Variants in SLC25A12 observed in about 807,000 individuals in gnomAD.
SLC25A12 encodes the protein electrogenic aspartate/glutamate antiporter SLC25A12, mitochondrial.
Under a neutral mutation model 83.3 loss-of-function variants are expected in SLC25A12, and 32 were observed. The observed-to-expected ratio is 0.38, with a 90% CI of 0.29 to 0.52. SLC25A12 has a LOEUF of 0.52. SLC25A12 is among the 20% of genes least tolerant of loss of function. SLC25A12 has a pLI of 0.84. For synonymous variants in SLC25A12, 267 were observed against 291.1 expected (o/e 0.92, Z 0.84); for missense variants, 611 against 835.6 (o/e 0.73, Z 3.31).
At chr2:171,832,124 C>G (rs981972491) in intron 8 of SLC25A12, among the ~76,000 whole-genome samples, 1 of 152,136 alleles carries the variant, frequency 6.6e-6, no homozygotes, top group Non-Finnish European at 1.5e-5. Flanking sequence ...TAGTTCAAGG[C>G]ACTTTAAAGG....
intron 3 of SLC25A12, among the ~76,000 whole-genome samples, chr2:171,866,012 T>C (rs1685286419): frequency 7.1e-6 from 1 of 140,286 alleles, no homozygotes; most frequent in Non-Finnish European, 1.5e-5. Flanking sequence ...TTTGTGTCCC[T>C]GGGTACTTGA....
intron 13 of SLC25A12, among the ~76,000 whole-genome samples, chr2:171,801,907 C>CTGTGTGTGTGTGTG (rs3058854): frequency 6.9e-6 from 1 of 145,400 alleles, no homozygotes; most frequent in African/African-American, 2.6e-5. Context: ...ATATCTGGAT[C>CTGTGTGTGTGTGTG]TGTGTGTGTG....
At position 171,815,143 on chromosome 2, in the gene SLC25A12, G is replaced by T; in HGVS notation, c.990C>A (p.Phe330Leu). 1.2e-6 allele frequency: 2 copies of T among 1,613,776 alleles called. No homozygotes were observed. The highest frequency in any genetic ancestry group is 1.7e-6 in the Non-Finnish European group (2 of 1,179,754). Residue 330 changes from phenylalanine (F) to leucine (L), a missense_variant, in exon 10 of 18, where the codon TTC (phenylalanine) becomes TTA (leucine). Around this residue, in one of 3 missense-constraint regions of SLC25A12, gnomAD observed 540 missense variants for 777.5 expected, o/e 0.69. Transcript: ENST00000422440. ...CACCTCCAGCAACTGAGCCCAGAGT[G>T]AATCTGTAAGCAGACTCGGCAATCT... ...WLQIAESAYR[F>L]TLGSVAGAVG...
intron 2 of SLC25A12, among the ~76,000 whole-genome samples, chr2:171,887,441 C>T (rs1225402674): frequency 1.3e-5 from 2 of 152,206 alleles, no homozygotes; most frequent in African/African-American, 4.8e-5. Flanking sequence ...CTATACAACA[C>T]ACCAGCAAAC....
intron 9 of SLC25A12, among the ~76,000 whole-genome samples, chr2:171,821,688 T>C (rs1171742140): frequency 6.6e-6 from 1 of 152,234 alleles, no homozygotes; most frequent in African/African-American, 2.4e-5. Flanking sequence ...TGCCTGCCTT[T>C]TGCTTATAAA....
chr2:171,858,908 T>G (rs946341836), intron 3 of SLC25A12, among the ~76,000 whole-genome samples: 1 of 152,180 alleles, frequency 6.6e-6, no homozygotes, highest in Non-Finnish European at 1.5e-5. Context: ...TCTATGGAAT[T>G]TACTAAATAT....
chr2:171,891,176 C>T (rs1011216341), intron 2 of SLC25A12, among the ~76,000 whole-genome samples: 20 of 151,976 alleles, frequency 1.3e-4, no homozygotes, highest in African/African-American at 3.6e-4. Flanking sequence ...TGTGGTGGCA[C>T]ATGCCTGTAA....
At chr2:171,820,285 T>C (rs1448582975) in intron 9 of SLC25A12, among the ~76,000 whole-genome samples, 1 of 152,198 alleles carries the variant, frequency 6.6e-6, no homozygotes, top group African/African-American at 2.4e-5. Context: ...CAGCTTATAT[T>C]CCATAGTTTT....
At chr2:171,813,297 G>A (rs776314104) in intron 11 of SLC25A12, 42 bp downstream of exon 11, 4 of 1,608,916 alleles carry the variant, frequency 2.5e-6, no homozygotes, top group Middle Eastern at 1.7e-4. Context: ...CTGCTGGTGA[G>A]ATCAAATCAC....
chr2:171,826,294 T>C (rs1360205139), intron 9 of SLC25A12, among the ~76,000 whole-genome samples: 2 of 152,154 alleles, frequency 1.3e-5, no homozygotes, highest in Admixed American at 6.5e-5. Flanking sequence ...AACACAAATA[T>C]AAATCTAGTT....
intron 13 of SLC25A12, among the ~76,000 whole-genome samples, chr2:171,806,569 T>C (rs1241360252): frequency 6.6e-6 from 1 of 152,222 alleles, no homozygotes; most frequent in East Asian, 1.9e-4. Flanking sequence ...CTTCATGATC[T>C]AGTCAACACA....
intron 16 of SLC25A12, 25 bp downstream of exon 16, chr2:171,787,764 C>T: frequency 6.2e-7 from 1 of 1,613,926 alleles, no homozygotes; most frequent in South Asian, 1.1e-5. Flanking sequence ...GCCAGCCATT[C>T]TGTATGGCTC....
chr2:171,811,387 G>A (rs1683942560), intron 11 of SLC25A12, among the ~76,000 whole-genome samples: 2 of 152,168 alleles, frequency 1.3e-5, no homozygotes, highest in African/African-American at 2.4e-5. Flanking sequence ...TAACCCTCGT[G>A]ATTATCAGGC....
rs780217724 is a variant in SLC25A12 at position 171,834,780 on chromosome 2, C to T, written c.698G>A (p.Arg233His). Reference protein sequence around the residue: ...NSLLNNMELVRKIYSTLAGTR... With the variant: ...NSLLNNMELVHKIYSTLAGTR... ...GCCAGCTAGAGTGCTATATATCTTA[C>T]GAACAAGCTCCATGTTATTCAGTAA... The change falls in exon 7 of 18, where the codon CGT (arginine) becomes CAT (histidine). Residue 233 changes from arginine (R) to histidine (H), a missense_variant. By Grantham distance (29) the Arg-to-His change is conservative. Transcript: ENST00000422440. 1.3e-5 allele frequency: 21 copies of T among 1,613,716 alleles called. No individual in the cohort carries two copies. In the East Asian group the frequency reaches 2.5e-4, roughly 19 times the overall value.
intron 2 of SLC25A12, among the ~76,000 whole-genome samples, chr2:171,877,840 G>C (rs1685606932): frequency 6.6e-6 from 1 of 152,044 alleles, no homozygotes; most frequent in Non-Finnish European, 1.5e-5. Context: ...CAAATTACTT[G>C]TTTAAATAGT....
chr2:171,828,112 GA>G (rs1267732319), intron 8 of SLC25A12, among the ~76,000 whole-genome samples: 1 of 152,224 alleles, frequency 6.6e-6, no homozygotes, highest in Non-Finnish European at 1.5e-5. Context: ...TGAGGGACCT[GA>G]GTCCTTTTCT....
Position 171,831,806 on chromosome 2 carries a change from C to T in SLC25A12, c.845+2157G>A, listed in dbSNP as rs191164246. ...CCCAGCTACTCGGGAGGCTGAGGCA[C>T]AAGAATCGCTTGAACCCAGGAGGCG... is the stretch of plus-strand genomic sequence containing the variant. On this transcript the variant is annotated intron_variant, in intron 8 of 17. Transcript: ENST00000422440. Among the ~76,000 whole-genome samples, 96 of 150,654 alleles carry T rather than the reference C, an allele frequency of 6.4e-4. 1 individual carries two copies. Among genetic ancestry groups the T allele is most frequent in the African/African-American group, 2.1e-3 (87 of 40,966 alleles).
intron 8 of SLC25A12, among the ~76,000 whole-genome samples, chr2:171,831,479 G>C (rs888007677): frequency 6.6e-6 from 1 of 152,172 alleles, no homozygotes; most frequent in Admixed American, 6.5e-5. Flanking sequence ...TTTTATATGA[G>C]AAAGAATCTT....
At chr2:171,791,398 T>C (rs1308227184) in intron 15 of SLC25A12, 53 bp downstream of exon 15, 10 of 1,450,760 alleles carry the variant, frequency 6.9e-6, no homozygotes, top group South Asian at 3.4e-5. Context: ...AGAGATTCTG[T>C]ACTTTTTAAA....
Sources: gnomAD v4.1 joint callset for allele counts (sites outside exome capture counted in the v4.1 genomes callset) on GRCh38, gnomAD v4.1.1 for gene constraint, gnomAD v4.1.1 regional missense constraint, MANE v1.5 for transcripts, NCBI Gene and HGNC (gene_info 2026-07-23, HGNC 2026-07-21) for gene names.